The following DECR2 variants were observed in gnomAD, a reference collection of about 807,000 sequenced individuals.
DECR2 encodes the protein 2,4-dienoyl-CoA reductase 2, also known as peroxisomal 2,4-dienoyl-CoA reductase [(3E)-enoyl-CoA-producing].
DECR2 carries 34 observed loss-of-function variants against 29.2 expected under a neutral mutation model. The observed-to-expected ratio is 1.16, with a 90% confidence interval of 0.89 to 1.55. DECR2 has a LOEUF of 1.55. Ranked by LOEUF, DECR2 falls within the 40% of genes most tolerant of loss-of-function variation. The probability of loss-of-function intolerance (pLI) is 0.00; values close to 1 mark genes in which losing one functional copy is unlikely to be tolerated. For missense variants in DECR2, 485 were observed against 425.3 expected, an observed-to-expected ratio of 1.14 and a Z score of -1.23; for synonymous variants, 224 against 182.7, an observed-to-expected ratio of 1.23 and a Z score of -1.82.
At chr16:407,865 G>A (rs578035856) in intron 4 of DECR2, among the ~76,000 whole-genome samples, 51 of 80,188 alleles carry the variant, frequency 6.4e-4, no homozygotes, top group South Asian at 4.4e-4. Flanking sequence ...GTCTCCGGGC[G>A]TCTCTCTCCG....
At position 411,490 on chromosome 16, in the gene DECR2, T is replaced by C; in HGVS notation, c.791T>C (p.Val264Ala). 6.2e-7 allele frequency: 1 copy of C among 1,613,968 alleles called. No homozygotes were observed. Among genetic ancestry groups the C allele is most frequent in the Non-Finnish European group, 8.5e-7 (1 of 1,180,006 alleles). ...SPLASYVTGAVLVADGGAWLT... is the reference protein window; with the variant it reads ...SPLASYVTGAALVADGGAWLT... ...CTGGCTTCCTACGTGACGGGGGCCG[T>C]GCTGGTGGCCGATGGCGGGGCATGG... The change falls in exon 8 of 9, where the codon GTG becomes GCG. Residue 264 changes from valine (V) to alanine (A), a missense_variant. Val to Ala is a moderately conservative substitution (Grantham distance 64). Coordinates refer to ENST00000219481, the MANE Select transcript of DECR2 (RefSeq NM_020664.4).
At chr16:408,462 A>C (rs966777398) in intron 4 of DECR2, among the ~76,000 whole-genome samples, 6 of 151,882 alleles carry the variant, frequency 4.0e-5, no homozygotes, top group Admixed American at 3.9e-4. Flanking sequence ...ACACAGCTCA[A>C]TGGTAGAGTC....
chr16:408,990 C>T (rs1209562037), intron 4 of DECR2, among the ~76,000 whole-genome samples: 1 of 151,738 alleles, frequency 6.6e-6, no homozygotes, highest in Non-Finnish European at 1.5e-5. Context: ...CGCTACCACA[C>T]CTGGCTAATT....
chr16:410,761 C>T lies in DECR2; in HGVS notation c.533C>T (p.Ala178Val), dbSNP rs1161605184. 26 of 1,602,886 alleles carry T rather than the reference C, an allele frequency of 1.6e-5. No individual in the cohort carries two copies. The highest frequency in any genetic ancestry group is 1.5e-5 in the Non-Finnish European group (18 of 1,176,534). Residue 178 changes from alanine (A) to valine (V), a missense_variant, in exon 6 of 9, where the codon GCA becomes GTA. By Grantham distance (64) the Ala-to-Val change is moderately conservative. Transcript: ENST00000219481. The surrounding 1 kb of genome is among the most constrained non-coding windows in gnomAD (Gnocchi z 4.1). ...CGGGGGCAGGCGCTCCAGGTGCATG[C>T]AGGCTCCGCCAAGGCCGCTGTGGGT... Reference protein sequence around the residue: ...GNRGQALQVHAGSAKAAVDAM... With the variant: ...GNRGQALQVHVGSAKAAVDAM...
intron 3 of DECR2, 23 bp downstream of exon 3, chr16:406,420 C>T: frequency 6.2e-7 from 1 of 1,605,562 alleles, no homozygotes; most frequent in Non-Finnish European, 8.5e-7. Context: ...CTCCCATGGT[C>T]CCCTGTTCGG....
intron 1 of DECR2, among the ~76,000 whole-genome samples, chr16:402,576 C>G (rs1338452936): frequency 6.6e-6 from 1 of 152,038 alleles, no homozygotes; most frequent in Admixed American, 6.5e-5. Context: ...GAAGGCAGCC[C>G]GGGCAAAGGT....
Position 405,029 on chromosome 16 carries a change from G to T in DECR2, c.149+5G>T, listed in dbSNP as rs373837328. The T allele has an allele frequency of 2.5e-6, 4 of 1,613,970 alleles. No homozygotes were observed. Among genetic ancestry groups the T allele is most frequent in the Non-Finnish European group, 3.4e-6 (4 of 1,179,992 alleles). On this transcript the variant is annotated splice_donor_5th_base_variant and intron_variant, in intron 2 of 8. Transcript: ENST00000219481. ...GATTGCTGAGATTTTCATGCGGTGA[G>T]ACTGCTCTGTGTCCCTTCCCTGCTC...
At position 410,793 on chromosome 16, in the gene DECR2, A is replaced by ACCC. The variant is rs35431910; in HGVS notation, c.556+16_556+18dup. The ACCC allele has an allele frequency of 2.0e-6, 3 of 1,464,782 alleles. No homozygotes were observed. Among genetic ancestry groups the ACCC allele is most frequent in the Non-Finnish European group, 2.8e-6 (3 of 1,084,352 alleles). The allele number at this position is 1,464,782 out of a possible 1,614,324, so 90.7% of individuals were successfully genotyped here. On this transcript the variant is annotated intron_variant, in intron 6 of 8. Transcript: ENST00000219481. The surrounding 1 kb of genome is among the most constrained non-coding windows in gnomAD (Gnocchi z 4.1). ...CGCCAAGGCCGCTGTGGGTATGACC[A>ACCC]CCCCCCCCCGCCCAGGTTTGCCCAC...
rs2054824417 is a variant in DECR2 at position 411,930 on chromosome 16, G to C, written c.*41G>C. 1 of 283,202 alleles carries C rather than the reference G, an allele frequency of 3.5e-6. No individual in the cohort carries two copies. Among genetic ancestry groups the C allele is most frequent in the Non-Finnish European group, 6.6e-6 (1 of 150,638 alleles). 17.5% of individuals were successfully genotyped at this position (283,202 alleles called of 1,614,324 possible). A position where few individuals can be genotyped will look rare whatever the true frequency, so the allele number is the denominator to read the frequency against. ...TGCTTCCTGCCGCCTCACTCAGCCA[G>C]GTGGAGAGCACCAATCTGAACCAGC... On this transcript the variant is annotated 3_prime_UTR_variant, in exon 9 of 9. Transcript: ENST00000219481.
chr16:409,345 T>C (rs936460365), intron 4 of DECR2, among the ~76,000 whole-genome samples: 3 of 151,514 alleles, frequency 2.0e-5, no homozygotes, highest in African/African-American at 7.3e-5. Flanking sequence ...TAACTTTTTG[T>C]ATTTTTACTA....
At chr16:405,467 C>G (rs2054713500) in intron 2 of DECR2, 1 of 1,219,920 alleles carries the variant, frequency 8.2e-7, no homozygotes, top group African/African-American at 1.6e-5. Flanking sequence ...AAAGGTGAGT[C>G]CCACAGGAAG....
At position 411,045 on chromosome 16, in the gene DECR2, C is replaced by T. The variant is rs150991342; in HGVS notation, c.630C>T (p.Pro210=). 5.4e-5 allele frequency: 86 copies of T among 1,581,560 alleles called. No individual in the cohort carries two copies. The African/African-American group carries it at 9.5e-4, about 17-fold the overall frequency. ...NIRVNSLAPG[P]ISGTEGLRRL... ...GCGTCAACAGCCTCGCCCCTGGCCC[C>T]ATCAGTGGCACAGAGGGGCTCCGGC... Residue 210 remains proline, a synonymous_variant, in exon 7 of 9, where the codon CCC becomes CCT. Coordinates refer to ENST00000219481, the MANE Select transcript of DECR2 (RefSeq NM_020664.4).
intron 1 of DECR2, among the ~76,000 whole-genome samples, chr16:403,848 A>G (rs546433188): frequency 2.6e-5 from 4 of 152,332 alleles, no homozygotes; most frequent in African/African-American, 7.2e-5. Flanking sequence ...ACTGCACTCC[A>G]ACCTGGATGA....
At chr16:407,191 G>A (rs1052299578) in intron 3 of DECR2, 23 of 1,348,946 alleles carry the variant, frequency 1.7e-5, no homozygotes, top group Non-Finnish European at 1.9e-5. Flanking sequence ...CCTGGAGGGC[G>A]ACGCAGAGGG....
At chr16:411,864 GCTA>G in intron 8 of DECR2, 23 bp from the exon 9 acceptor site, 1 of 423,526 alleles carries the variant, frequency 2.4e-6, no homozygotes, top group Non-Finnish European at 4.2e-6. Context: ...TCCTCAGCCG[GCTA>G]CTAAGTTCTG....
In DECR2 at chr16:411,444, G is replaced by C. The variant is rs563370937; in HGVS notation, c.745G>C (p.Val249Leu). 6.2e-7 allele frequency: 1 copy of C among 1,613,714 alleles called. No homozygotes were observed. Among genetic ancestry groups the C allele is most frequent in the South Asian group, 1.1e-5 (1 of 91,082 alleles). ...GAACAAGACCGAGATCGCCCACAGCGTGCTCTACCTGGCCAGCCCTCTGGC... is the reference window on the plus strand; with the variant it reads ...GAACAAGACCGAGATCGCCCACAGCCTGCTCTACCTGGCCAGCCCTCTGGC... The part of the protein sequence containing the change: ...LGNKTEIAHS[V>L]LYLASPLASY... Residue 249 changes from valine (V) to leucine (L), a missense_variant, in exon 8 of 9, where the codon GTG becomes CTG. Transcript: ENST00000219481.
At chr16:408,167 GCCTCTGTCTCCGGGCCTCTGTCTCCGGC>G (rs2054762271) in intron 4 of DECR2, among the ~76,000 whole-genome samples, 2 of 112,880 alleles carry the variant, frequency 1.8e-5, no homozygotes, top group Admixed American at 9.0e-5. Flanking sequence ...CTGTCTCCGG[GCCTCTGTCTCCGGGCCTCTGTCTCCGGC>G]CCCCTGTCTC....
chr16:405,122 G>A (rs1039731369), intron 2 of DECR2, 98 bp downstream of exon 2: 2 of 1,439,628 alleles, frequency 1.4e-6, no homozygotes, highest in Non-Finnish European at 9.7e-7. Context: ...GGAGGTAGAT[G>A]TCCCCTGCTC....
chr16:407,716 C>G, intron 4 of DECR2, 156 bp downstream of exon 4: 1 of 1,249,266 alleles, frequency 8.0e-7, no homozygotes, highest in Non-Finnish European at 1.1e-6. Context: ...GAGGCCAAGA[C>G]TCAGGCTCCG....
Sources: gnomAD v4.1 joint callset for allele counts (sites outside exome capture counted in the v4.1 genomes callset) on GRCh38, gnomAD v4.1.1 for gene constraint, Gnocchi (gnomAD v3.1) non-coding constraint, MANE v1.5 for transcripts, NCBI Gene and HGNC (gene_info 2026-07-23, HGNC 2026-07-21) for gene names.